Variants in GALNTL6 observed in about 807,000 individuals in gnomAD.
The protein encoded by GALNTL6 is polypeptide N-acetylgalactosaminyltransferase-like 6.
Under a neutral mutation model 73.7 loss-of-function variants are expected in GALNTL6, and 46 were observed. The ratio of observed to expected loss-of-function variants is 0.62; its 90% CI spans 0.49 to 0.80. The LOEUF (loss-of-function observed/expected upper bound fraction) is 0.80. Among genes scored for constraint, GALNTL6 ranks in the 30% least tolerant of loss-of-function variants. The pLI, the probability that GALNTL6 is intolerant of heterozygous loss-of-function variation, is 0.00. For synonymous variants in GALNTL6, 259 were observed against 263.7 expected (o/e 0.98, Z 0.17); for missense variants, 604 against 755.0 (o/e 0.80, Z 2.34).
chr4:172,746,213 T>C (rs1031255159), intron 5 of GALNTL6, among the ~76,000 whole-genome samples: 2 of 152,062 alleles, frequency 1.3e-5, no homozygotes, highest in Non-Finnish European at 2.9e-5. Context: ...TAAGCCTCAA[T>C]TTTCTGTAAA....
rs542199768 is a variant in GALNTL6 at position 172,838,779 on chromosome 4, G to T, written c.923+25056G>T. ...TAGGCACCAAAGACTCCACTCGACA[G>T]CCTGTTTACCCTTTGAAAAATACTT... is the stretch of plus-strand genomic sequence containing the variant. On this transcript the variant is annotated intron_variant, in intron 7 of 12. Transcript: ENST00000506823. Among the ~76,000 whole-genome samples the T allele has an allele frequency of 1.1e-3, 165 of 152,224 alleles. 1 individual carries two copies. The highest frequency in any genetic ancestry group is 3.8e-3 in the African/African-American group (157 of 41,542).
intron 5 of GALNTL6, among the ~76,000 whole-genome samples, chr4:172,555,277 G>C (rs1047041739): frequency 3.3e-5 from 5 of 152,094 alleles, no homozygotes; most frequent in Admixed American, 1.3e-4. Flanking sequence ...GTATAAGAAA[G>C]TACAATATAA....
intron 3 of GALNTL6, among the ~76,000 whole-genome samples, chr4:172,239,570 A>G: frequency 6.6e-6 from 1 of 151,038 alleles, no homozygotes; most frequent in African/African-American, 2.4e-5. Context: ...TATTTTTTTT[A>G]TGTCTCAATT....
chr4:172,176,202 A>C (rs959962724), intron 2 of GALNTL6, among the ~76,000 whole-genome samples: 1 of 151,548 alleles, frequency 6.6e-6, no homozygotes, highest in African/African-American at 2.4e-5. Flanking sequence ...TAGCCGGGCG[A>C]GGTGGCGGGC....
intron 2 of GALNTL6, among the ~76,000 whole-genome samples, chr4:172,177,485 G>T (rs1302252262): frequency 6.6e-6 from 1 of 151,988 alleles, no homozygotes; most frequent in African/African-American, 2.4e-5. Context: ...CAAACTCACA[G>T]CTGTTTCTGT....
chr4:171,814,784 G>A, intron 2 of GALNTL6, 66 bp downstream of exon 2: 6 of 1,534,618 alleles, frequency 3.9e-6, no homozygotes, highest in Non-Finnish European at 5.4e-6. Flanking sequence ...GCGGGGACTC[G>A]AGAAAGCCGG....
chr4:172,206,805 G>GTTTTTTTTTTTTTTTTTTT lies in GALNTL6; in HGVS notation c.139-22843_139-22842insTTTTTTTTTTTTTTTTTTT, dbSNP rs778156050. On this transcript the variant is annotated intron_variant, in intron 2 of 12. Coordinates refer to ENST00000506823, the MANE Select transcript of GALNTL6 (RefSeq NM_001034845.3). ...TTGTTTTGTTTTGTTTTGTTTTTCT[G>GTTTTTTTTTTTTTTTTTTT]TTTTTTTTGTTTGTTTTTTTTTTTT... Among the ~76,000 whole-genome samples, 9 of 26,130 alleles carry GTTTTTTTTTTTTTTTTTTT rather than the reference G, an allele frequency of 3.4e-4. 2 individuals carry two copies. The highest frequency in any genetic ancestry group is 8.6e-4 in the African/African-American group (9 of 10,512). 17.1% of individuals were successfully genotyped at this position (26,130 alleles called of 152,430 possible). A position where few individuals can be genotyped will look rare whatever the true frequency, so the allele number is the denominator to read the frequency against.
intron 2 of GALNTL6, among the ~76,000 whole-genome samples, chr4:172,187,800 A>G (rs1341416914): frequency 6.6e-6 from 1 of 152,128 alleles, no homozygotes; most frequent in Admixed American, 6.6e-5. Flanking sequence ...TTAGGAGACA[A>G]ATATCACTTC....
chr4:172,518,561 A>G (rs1303294998), intron 5 of GALNTL6, among the ~76,000 whole-genome samples: 1 of 151,994 alleles, frequency 6.6e-6, no homozygotes, highest in Non-Finnish European at 1.5e-5. Flanking sequence ...TTAAATTAAA[A>G]TGATTTAATT....
rs572723037 is a variant in GALNTL6 at position 172,481,491 on chromosome 4, T to G, written c.553+132802T>G. On this transcript the variant is annotated intron_variant, in intron 5 of 12. Transcript: ENST00000506823. ...CTGACCCCACCCACATCCTGCTGAT[T>G]GGCCTATTTTACAGAGAGCTGATTG... Among the ~76,000 whole-genome samples the G allele has an allele frequency of 1.1e-4, 17 of 152,228 alleles. No homozygotes were observed. In the East Asian group the frequency reaches 3.1e-3, roughly 28 times the overall value.
intron 7 of GALNTL6, among the ~76,000 whole-genome samples, chr4:172,881,290 G>C (rs1367198970): frequency 6.6e-6 from 1 of 152,176 alleles, no homozygotes; most frequent in Non-Finnish European, 1.5e-5. Flanking sequence ...CTGCTAGAGA[G>C]AGGGATAAAG....
At chr4:172,000,555 G>A (rs1740644776) in intron 2 of GALNTL6, among the ~76,000 whole-genome samples, 2 of 152,276 alleles carry the variant, frequency 1.3e-5, no homozygotes, top group South Asian at 4.1e-4. Flanking sequence ...GCAGGGAAAG[G>A]TGGGAAGCTG....
At chr4:171,859,774 A>C (rs1306553155) in intron 2 of GALNTL6, among the ~76,000 whole-genome samples, 1 of 152,150 alleles carries the variant, frequency 6.6e-6, no homozygotes, top group Non-Finnish European at 1.5e-5. Context: ...TCAGATAAGC[A>C]TGTAGTGACT....
intron 2 of GALNTL6, among the ~76,000 whole-genome samples, chr4:172,155,487 T>G (rs1277782362): frequency 1.3e-5 from 2 of 152,198 alleles, no homozygotes; most frequent in East Asian, 3.9e-4. Context: ...TACAAGCTAC[T>G]GAGTTTATGG....
intron 5 of GALNTL6, among the ~76,000 whole-genome samples, chr4:172,457,333 T>C (rs1386194908): frequency 6.6e-6 from 1 of 152,018 alleles, no homozygotes; most frequent in East Asian, 1.9e-4. Flanking sequence ...ACTAGCATCA[T>C]AATGACAGGA....
At chr4:172,242,581 G>A (rs1737481914) in intron 3 of GALNTL6, among the ~76,000 whole-genome samples, 1 of 152,140 alleles carries the variant, frequency 6.6e-6, no homozygotes. Context: ...ATCAATGTAT[G>A]TATTCCACTA....
intron 10 of GALNTL6, among the ~76,000 whole-genome samples, chr4:172,964,275 A>C (rs1451186188): frequency 6.6e-6 from 1 of 152,340 alleles, no homozygotes; most frequent in East Asian, 1.9e-4. Context: ...TGCTAAAGTC[A>C]TTTAGAGTGC....
intron 5 of GALNTL6, among the ~76,000 whole-genome samples, chr4:172,808,789 G>T (rs149710981): frequency 1.3e-5 from 2 of 152,186 alleles, no homozygotes; most frequent in Non-Finnish European, 2.9e-5. Context: ...CGACTGTATA[G>T]TATTTCATCT....
At chr4:173,013,110 CTCTG>C (rs1053574684) in intron 11 of GALNTL6, among the ~76,000 whole-genome samples, 13 of 152,172 alleles carry the variant, frequency 8.5e-5, no homozygotes, top group Admixed American at 4.6e-4. Flanking sequence ...CTCCTCCTTC[CTCTG>C]TCTGTTTCTA....
Sources: gnomAD v4.1 joint callset for allele counts (sites outside exome capture counted in the v4.1 genomes callset) on GRCh38, gnomAD v4.1.1 for gene constraint, MANE v1.5 for transcripts, NCBI Gene and HGNC (gene_info 2026-07-23, HGNC 2026-07-21) for gene names.